Variants in RIT2 observed in about 807,000 individuals in gnomAD.
The protein encoded by RIT2 is GTP-binding protein Rit2.
In RIT2, 24 loss-of-function variants were observed where a neutral mutation model predicts 23.7. The ratio of observed to expected loss-of-function variants is 1.01; its 90% CI spans 0.73 to 1.43. The LOEUF is 1.43. Among genes scored for constraint, RIT2 ranks in the 40% most tolerant of loss-of-function variants. The pLI is 0.00. For missense variants in RIT2, 236 were observed against 266.9 expected, an observed-to-expected ratio of 0.88 and a Z score of 0.81; for synonymous variants, 107 against 91.1, an observed-to-expected ratio of 1.17 and a Z score of -0.99.
At chr18:42,772,848 A>AT in intron 4 of RIT2, among the ~76,000 whole-genome samples, 1 of 152,088 alleles carries the variant, frequency 6.6e-6, no homozygotes, top group Non-Finnish European at 1.5e-5. Context: ...GTTGGAAATG[A>AT]TTTTTGCCCT....
chr18:42,904,501 G>A (rs944918820), intron 4 of RIT2, among the ~76,000 whole-genome samples: 1 of 152,124 alleles, frequency 6.6e-6, no homozygotes, highest in African/African-American at 2.4e-5. Context: ...GGAGGCCTGA[G>A]GTCTGGGAGG....
chr18:42,966,956 A>G (rs2144194179), intron 3 of RIT2, among the ~76,000 whole-genome samples: 1 of 152,270 alleles, frequency 6.6e-6, no homozygotes, highest in Admixed American at 6.5e-5. Flanking sequence ...TGTACTCACT[A>G]ATGTGATCTT....
intron 1 of RIT2, among the ~76,000 whole-genome samples, chr18:43,060,765 A>G (rs183187407): frequency 2.6e-3 from 398 of 152,308 alleles, no homozygotes; most frequent in Non-Finnish European, 4.8e-3. Flanking sequence ...TCTGGTGTAC[A>G]TAGGAGAAAA....
intron 4 of RIT2, among the ~76,000 whole-genome samples, chr18:42,860,185 T>C (rs1907289729): frequency 1.3e-5 from 2 of 152,184 alleles, no homozygotes; most frequent in South Asian, 4.1e-4. Flanking sequence ...ATGTGAGTCA[T>C]GCAGTGCTGT....
At chr18:43,031,264 A>T (rs1396044622) in intron 2 of RIT2, among the ~76,000 whole-genome samples, 2 of 151,654 alleles carry the variant, frequency 1.3e-5, no homozygotes, top group Non-Finnish European at 1.5e-5. Context: ...ATGGCAGGCA[A>T]TTGTTTTGGA....
At chr18:43,057,539 G>A (rs973978145) in intron 1 of RIT2, among the ~76,000 whole-genome samples, 3 of 152,116 alleles carry the variant, frequency 2.0e-5, no homozygotes, top group Non-Finnish European at 2.9e-5. Flanking sequence ...AAACGAACTA[G>A]GAATATTAAA....
intron 2 of RIT2, among the ~76,000 whole-genome samples, chr18:42,983,302 A>C (rs1335153316): frequency 6.6e-6 from 1 of 151,864 alleles, no homozygotes; most frequent in Non-Finnish European, 1.5e-5. Context: ...ACCAACTAAA[A>C]CCCCATTGGC....
At chr18:42,946,276 T>G (rs2144165852) in intron 3 of RIT2, among the ~76,000 whole-genome samples, 1 of 152,240 alleles carries the variant, frequency 6.6e-6, no homozygotes, top group Non-Finnish European at 1.5e-5. Flanking sequence ...TTTGCATTTC[T>G]AACAAGTTCC....
At chr18:43,025,151 C>CGA (rs112053190) in intron 2 of RIT2, among the ~76,000 whole-genome samples, 3 of 150,468 alleles carry the variant, frequency 2.0e-5, no homozygotes, top group African/African-American at 7.3e-5. Context: ...GAGGTTGCAG[C>CGA]GAGCCAAAAT....
chr18:42,921,156 A>T (rs2144130957), intron 4 of RIT2, among the ~76,000 whole-genome samples: 1 of 152,268 alleles, frequency 6.6e-6, no homozygotes, highest in African/African-American at 2.4e-5. Flanking sequence ...TAAAAGTGTG[A>T]ATTGAAATCA....
chr18:43,048,001 G>A (rs1206682272), intron 1 of RIT2, among the ~76,000 whole-genome samples: 1 of 152,268 alleles, frequency 6.6e-6, no homozygotes, highest in East Asian at 1.9e-4. Flanking sequence ...GGCTGCAGAT[G>A]TGGGCTGACT....
In RIT2 at chr18:42,743,601, G is replaced by A; in HGVS notation, c.546C>T (p.Arg182=). 6.2e-7 allele frequency: 1 copy of A among 1,613,904 alleles called. No homozygotes were observed. Among genetic ancestry groups the A allele is most frequent in the East Asian group, 2.2e-5 (1 of 44,856 alleles). ...TCAAGGATGGCATGGACTCCTTCTT[G>A]CGAATTTCCCTCACTAAGCCATGAA... ...DAFHGLVREI[R]KKESMPSLME... Residue 182 remains arginine, a synonymous_variant, in exon 5 of 5, where the codon CGC becomes CGT. Transcript: ENST00000326695.
At chr18:42,969,589 G>A (rs1044792673) in intron 3 of RIT2, among the ~76,000 whole-genome samples, 3 of 151,086 alleles carry the variant, frequency 2.0e-5, no homozygotes, top group African/African-American at 7.3e-5. Flanking sequence ...GTTTCCCATT[G>A]TTCCAGAATG....
intron 4 of RIT2, among the ~76,000 whole-genome samples, chr18:42,853,139 T>C (rs1385699675): frequency 6.6e-6 from 1 of 152,080 alleles, no homozygotes; most frequent in Non-Finnish European, 1.5e-5. Flanking sequence ...TGGCCTCTTT[T>C]CAGAATTTTG....
At chr18:42,878,175 T>C (rs1181127619) in intron 4 of RIT2, among the ~76,000 whole-genome samples, 1 of 151,248 alleles carries the variant, frequency 6.6e-6, no homozygotes, top group Non-Finnish European at 1.5e-5. Context: ...ACTGACCTCC[T>C]GTGAGTGGAA....
intron 4 of RIT2, among the ~76,000 whole-genome samples, chr18:42,760,393 A>C (rs1913273198): frequency 6.6e-6 from 1 of 152,208 alleles, no homozygotes; most frequent in South Asian, 2.1e-4. Context: ...TGCATTTCTA[A>C]GTCAGTGACA....
At chr18:42,865,965 C>A (rs1301163450) in intron 4 of RIT2, among the ~76,000 whole-genome samples, 1 of 152,150 alleles carries the variant, frequency 6.6e-6, no homozygotes, top group East Asian at 1.9e-4. Context: ...CCTGGGACTT[C>A]TTTTTCTGTG....
chr18:43,028,526 A>T (rs1193501617), intron 2 of RIT2, among the ~76,000 whole-genome samples: 1 of 152,076 alleles, frequency 6.6e-6, no homozygotes, highest in Non-Finnish European at 1.5e-5. Flanking sequence ...GTTTCATACG[A>T]ATTATCTTTC....
chr18:43,035,092 A>C (rs1911944155), intron 1 of RIT2, among the ~76,000 whole-genome samples: 1 of 152,224 alleles, frequency 6.6e-6, no homozygotes, highest in Non-Finnish European at 1.5e-5. Context: ...ACTTTAGCAA[A>C]TATTCAGAGC....
Sources: gnomAD v4.1 joint callset for allele counts (sites outside exome capture counted in the v4.1 genomes callset) on GRCh38, gnomAD v4.1.1 for gene constraint, MANE v1.5 for transcripts, NCBI Gene and HGNC (gene_info 2026-07-23, HGNC 2026-07-21) for gene names.